The following CPLX2 variants were observed in gnomAD, a reference collection of about 807,000 sequenced individuals.
CPLX2 encodes complexin-2.
Under a neutral mutation model 16.3 loss-of-function variants are expected in CPLX2, and 5 were observed. The observed-to-expected ratio is 0.31, with a 90% confidence interval of 0.16 to 0.64. CPLX2 has a LOEUF of 0.64. Among genes scored for constraint, CPLX2 ranks in the 30% least tolerant of loss-of-function variants. The probability of loss-of-function intolerance (pLI) is 0.79; values close to 1 mark genes in which losing one functional copy is unlikely to be tolerated. For missense variants in CPLX2, 144 were observed against 181.4 expected, an observed-to-expected ratio of 0.79 and a Z score of 1.18; for synonymous variants, 89 against 73.2, an observed-to-expected ratio of 1.22 and a Z score of -1.10.
At chr5:175,799,576 A>G (rs1003389685) in intron 1 of CPLX2, among the ~76,000 whole-genome samples, 4 of 142,504 alleles carry the variant, frequency 2.8e-5, no homozygotes, top group Non-Finnish European at 4.6e-5. Context: ...ATATATATAT[A>G]GTAATCACAG....
In CPLX2 at chr5:175,830,065, C is replaced by T. The variant is rs776939324; in HGVS notation, c.-89+20997C>T. ...TCTCTCTCATCCACCAGCGTGGCTG[C>T]GGCCCTCCGTGCTCTCTGGGGTTCT... On this transcript the variant is annotated intron_variant, in intron 2 of 4. Coordinates refer to the CPLX2 transcript ENST00000359546. This position sits in a 1 kb window ranked among gnomAD's most constrained non-coding sequence, Gnocchi z 4.0. Among the ~76,000 whole-genome samples the T allele has an allele frequency of 4.6e-5, 7 of 152,310 alleles. No homozygotes were observed. Among genetic ancestry groups the T allele is most frequent in the Non-Finnish European group, 8.8e-5 (6 of 68,022 alleles).
At position 175,881,370 on chromosome 5, in the gene CPLX2, G is replaced by T. The variant is rs549853478; in HGVS notation, c.*1325G>T. 6.5e-6 allele frequency: 1 copy of T among 153,490 alleles called. No homozygotes were observed. The highest frequency in any genetic ancestry group is 2.1e-4 in the South Asian group (1 of 4,822). The allele number at this position is 153,490 out of a possible 1,614,324, so 9.5% of individuals were successfully genotyped here. A position where few individuals can be genotyped will look rare whatever the true frequency, so the allele number is the denominator to read the frequency against. ...CCTTGTGTATGTGTGCTTGATTGAG[G>T]TGGTGTATTTGGGTTGAAATTGTGT... On this transcript the variant is annotated 3_prime_UTR_variant, in exon 4 of 4. Transcript: ENST00000393745.
At chr5:175,801,161 TA>T (rs3051187) in intron 1 of CPLX2, among the ~76,000 whole-genome samples, 37 of 140,970 alleles carry the variant, frequency 2.6e-4, no homozygotes, top group East Asian at 1.1e-3. Flanking sequence ...AGAGGAGTGT[TA>T]AAAAAAAAAA....
intron 2 of CPLX2, among the ~76,000 whole-genome samples, chr5:175,855,635 T>G (rs894014992): frequency 6.6e-6 from 1 of 152,150 alleles, no homozygotes; most frequent in Non-Finnish European, 1.5e-5. Flanking sequence ...CTTTCCACAC[T>G]GTGACCCTGC....
At chr5:175,827,738 T>G (rs1758646205) in intron 2 of CPLX2, among the ~76,000 whole-genome samples, 1 of 151,998 alleles carries the variant, frequency 6.6e-6, no homozygotes, top group Non-Finnish European at 1.5e-5. Flanking sequence ...CCAGCCTGAG[T>G]GACAGTGAGA....
intron 2 of CPLX2, among the ~76,000 whole-genome samples, chr5:175,842,043 G>T (rs1345834209): frequency 6.6e-6 from 1 of 152,190 alleles, no homozygotes; most frequent in Admixed American, 6.5e-5. Flanking sequence ...CCTTCCAGGG[G>T]CTAAGAATTG....
At chr5:175,827,907 G>T (rs536299402) in intron 2 of CPLX2, among the ~76,000 whole-genome samples, 2 of 152,292 alleles carry the variant, frequency 1.3e-5, no homozygotes, top group South Asian at 4.2e-4. Context: ...CCTATCGAGG[G>T]TGATAGAAAG....
chr5:175,862,717 A>C (rs1561787166), intron 2 of CPLX2, among the ~76,000 whole-genome samples: 1 of 152,230 alleles, frequency 6.6e-6, no homozygotes, highest in African/African-American at 2.4e-5. Context: ...TTAAACAAGA[A>C]ACAAAGGGAA....
intron 2 of CPLX2, among the ~76,000 whole-genome samples, chr5:175,839,590 C>T (rs1758911590): frequency 6.6e-6 from 1 of 152,190 alleles, no homozygotes; most frequent in Non-Finnish European, 1.5e-5. Flanking sequence ...CCGGCCTCAA[C>T]CTTAAACAAT....
In CPLX2 at chr5:175,878,389, A is replaced by T. The variant is rs531457225; in HGVS notation, c.-88-263A>T. ...GGCTCTTTCCAATGCTCCTGGCTTC[A>T]ATCAAATCTGAACAATAGGGTCAAG... On this transcript the variant is annotated intron_variant, in intron 1 of 3. Coordinates refer to ENST00000393745, the MANE Select transcript of CPLX2 (RefSeq NM_001008220.2). The T allele has an allele frequency of 1.2e-5, 4 of 344,188 alleles. No homozygotes were observed. In the East Asian group the frequency reaches 2.2e-4, roughly 19 times the overall value. 21.3% of individuals were successfully genotyped at this position (344,188 alleles called of 1,614,324 possible). A position where few individuals can be genotyped will look rare whatever the true frequency, so the allele number is the denominator to read the frequency against.
At chr5:175,817,778 G>A (rs1758435506) in intron 2 of CPLX2, among the ~76,000 whole-genome samples, 1 of 152,184 alleles carries the variant, frequency 6.6e-6, no homozygotes. Context: ...GGGGATCAGG[G>A]TGGAGGAATG....
Position 175,797,259 on chromosome 5 carries a change from G to A in CPLX2, c.-169+475G>A, listed in dbSNP as rs374094669. On this transcript the variant is annotated intron_variant, in intron 1 of 4. Coordinates refer to the CPLX2 transcript ENST00000359546. ...TGGCGTGAGGCCGCATCGATCGGGGGATTTCAGCTTCTCCCAGAGAGGTGT... is the reference window on the plus strand; with the variant it reads ...TGGCGTGAGGCCGCATCGATCGGGGAATTTCAGCTTCTCCCAGAGAGGTGT... Among the ~76,000 whole-genome samples, 43 of 152,320 alleles carry A rather than the reference G, an allele frequency of 2.8e-4. 1 individual carries two copies. In the South Asian group the frequency reaches 8.7e-3, roughly 31 times the overall value.
Position 175,878,921 on chromosome 5 carries a change from C to T in CPLX2, c.45C>T (p.Asp15=). The change falls in exon 3 of 4, where the codon GAC becomes GAT. Residue 15 remains aspartate (D), a synonymous_variant. Transcript: ENST00000393745. ...CCTTCCTCGTAGGGGCCACAAAGGACATGGGGAAGATGCTGGGGGGAGAGG... is the reference window on the plus strand; with the variant it reads ...CCTTCCTCGTAGGGGCCACAAAGGATATGGGGAAGATGCTGGGGGGAGAGG... ...MKQALGGATK[D]MGKMLGGEEE... The T allele has an allele frequency of 6.2e-7, 1 of 1,613,090 alleles. No individual in the cohort carries two copies. Among genetic ancestry groups the T allele is most frequent in the Non-Finnish European group, 8.5e-7 (1 of 1,179,616 alleles).
At chr5:175,860,299 T>A (rs1759337149) in intron 2 of CPLX2, among the ~76,000 whole-genome samples, 1 of 151,876 alleles carries the variant, frequency 6.6e-6, no homozygotes, top group Non-Finnish European at 1.5e-5. Context: ...AAGACCAGCC[T>A]GTAGCCCCAG....
chr5:175,803,908 G>A (rs1042997157), intron 1 of CPLX2, among the ~76,000 whole-genome samples: 4 of 152,198 alleles, frequency 2.6e-5, no homozygotes, highest in East Asian at 1.9e-4. Flanking sequence ...GCTGGCAGCC[G>A]TGTGGGCGCT....
intron 2 of CPLX2, among the ~76,000 whole-genome samples, chr5:175,843,382 TC>T (rs892330156): frequency 1.3e-5 from 2 of 152,082 alleles, no homozygotes; most frequent in African/African-American, 4.8e-5. Context: ...TGTGTGAATG[TC>T]CCCCCAACAC....
At chr5:175,824,472 A>G (rs1758571751) in intron 2 of CPLX2, among the ~76,000 whole-genome samples, 1 of 152,238 alleles carries the variant, frequency 6.6e-6, no homozygotes, top group African/African-American at 2.4e-5. Context: ...CATTTCCCAA[A>G]GGAGGAAACC....
chr5:175,818,719 T>G (rs555442232), intron 2 of CPLX2, among the ~76,000 whole-genome samples: 202 of 139,576 alleles, frequency 1.4e-3, no homozygotes, highest in Admixed American at 2.6e-3. Context: ...TGGAGTGTAG[T>G]GATGCGATCT....
At chr5:175,826,928 T>C (rs951698826) in intron 2 of CPLX2, among the ~76,000 whole-genome samples, 3 of 152,196 alleles carry the variant, frequency 2.0e-5, no homozygotes, top group African/African-American at 7.2e-5. Context: ...GGATGCTGCT[T>C]TCCCCTACAG....
Sources: gnomAD v4.1 joint callset for allele counts (sites outside exome capture counted in the v4.1 genomes callset) on GRCh38, gnomAD v4.1.1 for gene constraint, Gnocchi (gnomAD v3.1) non-coding constraint, MANE v1.5 for transcripts, NCBI Gene and HGNC (gene_info 2026-07-23, HGNC 2026-07-21) for gene names.